GPSM2: variants seen among roughly 807,000 people sequenced by gnomAD.
GPSM2 encodes G protein signaling modulator 2, also known as G protein-signaling modulator 2.
Under a neutral mutation model 78.4 loss-of-function variants are expected in GPSM2, and 58 were observed. The ratio of observed to expected loss-of-function variants is 0.74; its 90% CI spans 0.60 to 0.92. The LOEUF (loss-of-function observed/expected upper bound fraction) is 0.92. GPSM2 is among the 40% of genes least tolerant of loss of function. GPSM2 has a pLI of 0.00. For missense variants in GPSM2, 700 were observed against 815.5 expected, an observed-to-expected ratio of 0.86 and a Z score of 1.73; for synonymous variants, 224 against 280.2, an observed-to-expected ratio of 0.80 and a Z score of 2.00.
At chr1:108,918,075 T>A (rs1650416763) in intron 11 of GPSM2, among the ~76,000 whole-genome samples, 1 of 152,200 alleles carries the variant, frequency 6.6e-6, no homozygotes, top group Non-Finnish European at 1.5e-5. Flanking sequence ...CTGTACTCAA[T>A]AAATGTTATT....
Position 108,931,504 on chromosome 1 carries a change from A to G in GPSM2, c.*1564A>G. 1.3e-6 allele frequency: 2 copies of G among 1,546,356 alleles called. No individual in the cohort carries two copies. The highest frequency in any genetic ancestry group is 1.7e-6 in the Non-Finnish European group (2 of 1,144,992). On this transcript the variant is annotated 3_prime_UTR_variant, in exon 15 of 15. Transcript: ENST00000264126. ...TGCACAGCTGGGATGGGATCTGGGG[A>G]TGTGGACCCCTATTCTTTCAAAAAG...
At chr1:108,929,506 T>G (rs1651512383) in intron 14 of GPSM2, 195 bp from the exon 15 acceptor site, 1 of 614,976 alleles carries the variant, frequency 1.6e-6, no homozygotes, top group Admixed American at 2.9e-5. Context: ...TTTATGCAGT[T>G]TCAGGTTTAA....
At chr1:108,904,448 TTATAATA>T (rs1264642798) in intron 10 of GPSM2, among the ~76,000 whole-genome samples, 194 bp downstream of exon 10, 3 of 148,296 alleles carry the variant, frequency 2.0e-5, no homozygotes, top group Admixed American at 6.8e-5. Flanking sequence ...ATATATATAA[TTATAATA>T]TATAATTTAT....
chr1:108,880,460 G>T (rs1158519014), intron 1 of GPSM2, among the ~76,000 whole-genome samples: 1 of 152,102 alleles, frequency 6.6e-6, no homozygotes, highest in Non-Finnish European at 1.5e-5. Context: ...CAGGCGTGGT[G>T]CTGGGCACCT....
chr1:108,914,214 G>A lies in GPSM2; in HGVS notation c.1193-124G>A. Reference sequence around the variant, plus strand: ...ATTATTCTTGGAAGAATACATATTTGTACAGGTTTTCTCGTTTCATATGGG... The same window carrying A: ...ATTATTCTTGGAAGAATACATATTTATACAGGTTTTCTCGTTTCATATGGG... On this transcript the variant is annotated intron_variant, in intron 10 of 14. Coordinates refer to ENST00000264126, the MANE Select transcript of GPSM2 (RefSeq NM_013296.5). 3 of 673,420 alleles carry A rather than the reference G, an allele frequency of 4.5e-6. No individual in the cohort carries two copies. The South Asian group carries it at 5.1e-5, about 12-fold the overall frequency. 41.7% of individuals were successfully genotyped at this position (673,420 alleles called of 1,614,324 possible).
Position 108,897,980 on chromosome 1 carries a change from T to C in GPSM2, c.436T>C (p.Tyr146His). The C allele has an allele frequency of 1.2e-6, 2 of 1,614,094 alleles. No homozygotes were observed. The highest frequency in any genetic ancestry group is 1.7e-6 in the Non-Finnish European group (2 of 1,179,924). Reference sequence around the variant, plus strand: ...TTAGGTGGGAGAAGCAAGAGCACTTTACAATCTTGGGAATGTGTATCATGC... The same window carrying C: ...TTAGGTGGGAGAAGCAAGAGCACTTCACAATCTTGGGAATGTGTATCATGC... Reference protein sequence around the residue: ...NDKVGEARALYNLGNVYHAKG... With the variant: ...NDKVGEARALHNLGNVYHAKG... Residue 146 changes from tyrosine to histidine, a missense_variant, in exon 5 of 15, where the codon TAC becomes CAC. Physicochemically the swap from Tyr to His is moderately conservative, Grantham distance 83. Coordinates refer to ENST00000264126, the MANE Select transcript of GPSM2 (RefSeq NM_013296.5).
chr1:108,886,484 C>T (rs1330826729), intron 2 of GPSM2, among the ~76,000 whole-genome samples: 5 of 146,810 alleles, frequency 3.4e-5, no homozygotes, highest in Non-Finnish European at 6.2e-5. Context: ...ACAAGCTTCA[C>T]GGTCCCTAGG....
At chr1:108,913,380 T>C (rs1649920852) in intron 10 of GPSM2, among the ~76,000 whole-genome samples, 1 of 152,218 alleles carries the variant, frequency 6.6e-6, no homozygotes, top group Non-Finnish European at 1.5e-5. Flanking sequence ...TTTTTGAGAC[T>C]GTGTGGATAG....
Position 108,898,577 on chromosome 1 carries a change from T to C in GPSM2, c.558-65T>C, listed in dbSNP as rs1648555377. ...TTTTTCTGATAAAAAGAATTAGATATGTAAATCACATACATAAAATTGTTC... is the reference window on the plus strand; with the variant it reads ...TTTTTCTGATAAAAAGAATTAGATACGTAAATCACATACATAAAATTGTTC... On this transcript the variant is annotated intron_variant, in intron 5 of 14. Transcript: ENST00000264126. 36 of 1,484,998 alleles carry C rather than the reference T, an allele frequency of 2.4e-5. No individual in the cohort carries two copies. The South Asian group carries it at 4.1e-4, about 17-fold the overall frequency. The allele number at this position is 1,484,998 out of a possible 1,614,324, so 92.0% of individuals were successfully genotyped here.
At position 108,904,234 on chromosome 1, in the gene GPSM2, A is replaced by C; in HGVS notation, c.1172A>C (p.Glu391Ala). The change falls in exon 10 of 15, where the codon GAA (glutamate) becomes GCA (alanine). Residue 391 changes from glutamate (E) to alanine (A), a missense_variant. Coordinates refer to ENST00000264126, the MANE Select transcript of GPSM2 (RefSeq NM_013296.5). The stretch of plus-strand genomic sequence containing the variant: ...AACTCCATAATGTCTGAAAATACTG[A>C]AATTGATAGCAGTTTGAATGGTAAG... Reference protein sequence around the residue: ...TNNSIMSENTEIDSSLNGVRP... With the variant: ...TNNSIMSENTAIDSSLNGVRP... The C allele has an allele frequency of 6.3e-7, 1 of 1,598,178 alleles. No homozygotes were observed. Among genetic ancestry groups the C allele is most frequent in the Non-Finnish European group, 8.6e-7 (1 of 1,166,504 alleles).
intron 12 of GPSM2, among the ~76,000 whole-genome samples, chr1:108,920,910 A>G (rs548463787): frequency 6.6e-6 from 1 of 152,292 alleles, no homozygotes; most frequent in African/African-American, 2.4e-5. Context: ...CCCCTAGGAA[A>G]AAGTCTTTTG....
rs544107639 is a variant in GPSM2, at chr1:108,879,250, G to A, written c.-249+2022G>A. On this transcript the variant is annotated intron_variant, in intron 1 of 14. Transcript: ENST00000264126. The stretch of plus-strand genomic sequence containing the variant: ...GTGGAGAAGAAATGTATTACAGTCC[G>A]GTTTTCTCACTATTGTAGGATTCTT... Among the ~76,000 whole-genome samples, 43 of 152,214 alleles carry A rather than the reference G, an allele frequency of 2.8e-4. No homozygotes were observed. In the South Asian group the frequency reaches 3.7e-3, roughly 13 times the overall value.
chr1:108,931,526 A>G lies in GPSM2; in HGVS notation c.*1586A>G, dbSNP rs781208767. 4.7e-5 allele frequency: 72 copies of G among 1,525,812 alleles called. No homozygotes were observed. Among genetic ancestry groups the G allele is most frequent in the Non-Finnish European group, 2.6e-6 (3 of 1,133,258 alleles). 94.5% of individuals were successfully genotyped at this position (1,525,812 alleles called of 1,614,324 possible). A position where few individuals can be genotyped will look rare whatever the true frequency, so the allele number is the denominator to read the frequency against. On this transcript the variant is annotated 3_prime_UTR_variant, in exon 15 of 15. Transcript: ENST00000264126. ...GGGATGTGGACCCCTATTCTTTCAA[A>G]AAGTCATTCAGGTGATTTGGATGGG...
At chr1:108,908,476 G>T (rs1649432608) in intron 10 of GPSM2, among the ~76,000 whole-genome samples, 1 of 151,766 alleles carries the variant, frequency 6.6e-6, no homozygotes, top group African/African-American at 2.4e-5. Context: ...GAGGTCAGGA[G>T]ATCGAGACCA....
intron 12 of GPSM2, 31 bp downstream of exon 12, chr1:108,918,820 G>C (rs1310115855): frequency 3.4e-6 from 5 of 1,468,196 alleles, no homozygotes; most frequent in Non-Finnish European, 4.8e-6. Context: ...TGAGTATTGT[G>C]TTTTGAGTAC....
At chr1:108,881,914 T>C (rs2101304685) in intron 1 of GPSM2, among the ~76,000 whole-genome samples, 1 of 152,284 alleles carries the variant, frequency 6.6e-6, no homozygotes, top group South Asian at 2.1e-4. Flanking sequence ...AATTGCAAAA[T>C]TTAGAATTTC....
At chr1:108,877,643 T>G (rs1322809593) in intron 1 of GPSM2, 1 of 152,022 alleles carries the variant, frequency 6.6e-6, no homozygotes, top group Non-Finnish European at 1.5e-5. Flanking sequence ...TTGCAATCAC[T>G]TGGAGTCGGG....
chr1:108,912,143 A>G (rs1649800887), intron 10 of GPSM2, among the ~76,000 whole-genome samples: 1 of 152,130 alleles, frequency 6.6e-6, no homozygotes, highest in Admixed American at 6.6e-5. Flanking sequence ...TTCTTCTCAA[A>G]TTGATAAAAA....
In GPSM2 at chr1:108,933,868, A is replaced by T. The variant is rs1331166085; in HGVS notation, c.*3928A>T. On this transcript the variant is annotated 3_prime_UTR_variant, in exon 15 of 15. Transcript: ENST00000264126. ...GCAAACTTCCTATGGACAAGACAATATGATTTGCTATAATATGAATTAAGA... is the reference window on the plus strand; with the variant it reads ...GCAAACTTCCTATGGACAAGACAATTTGATTTGCTATAATATGAATTAAGA... 6.6e-6 allele frequency: 1 copy of T among 152,186 alleles called. No homozygotes were observed. The allele number at this position is 152,186 out of a possible 1,614,324, so 9.4% of individuals were successfully genotyped here.
Sources: allele counts gnomAD v4.1 joint callset (sites outside exome capture counted in the v4.1 genomes callset), GRCh38; gene constraint gnomAD v4.1.1; transcripts MANE v1.5; gene names NCBI Gene and HGNC (gene_info 2026-07-23, HGNC 2026-07-21).